CASZ1: variants seen among roughly 807,000 people sequenced by gnomAD.
The protein encoded by CASZ1 is zinc finger protein castor homolog 1.
A neutral mutation model predicts 135.2 loss-of-function variants in CASZ1; 28 were observed. The observed-to-expected ratio is 0.21, with a 90% confidence interval of 0.15 to 0.28. The LOEUF is 0.28. Among genes scored for constraint, CASZ1 ranks in the 10% least tolerant of loss-of-function variants. The pLI is 1.00. For synonymous variants in CASZ1, 1,068 were observed against 1,073.4 expected (o/e 0.99, Z 0.10); for missense variants, 2,161 against 2,453.3 (o/e 0.88, Z 2.52).
intron 1 of CASZ1, among the ~76,000 whole-genome samples, chr1:10,793,960 G>A (rs1348856160): frequency 4.6e-5 from 7 of 152,164 alleles, no homozygotes; most frequent in Admixed American, 2.0e-4. Context: ...GCACCGCCTG[G>A]TCGCCACCAG....
chr1:10,649,116 A>G lies in CASZ1; in HGVS notation c.3112T>C (p.Cys1038Arg), dbSNP rs1642468190. ...TCCAAGGTGCTGAAGAGCGCGCCGCATTCCTCCACCACGCAGTGGAAGTGG... is the reference window on the plus strand; with the variant it reads ...TCCAAGGTGCTGAAGAGCGCGCCGCGTTCCTCCACCACGCAGTGGAAGTGG... ...KAHFHCVVEE[C>R]GALFSTLDGA... Residue 1038 changes from cysteine (C) to arginine (R), a missense_variant, in exon 15 of 21, where the codon TGC (cysteine) becomes CGC (arginine). Physicochemically the swap from Cys to Arg is radical, Grantham distance 180. This residue lies in a region of CASZ1 where 349 missense variants were observed against 460.8 expected (regional missense o/e 0.76). Transcript: ENST00000377022. 6.2e-7 allele frequency: 1 copy of G among 1,613,538 alleles called. No individual in the cohort carries two copies. Among genetic ancestry groups the G allele is most frequent in the Non-Finnish European group, 8.5e-7 (1 of 1,180,020 alleles).
chr1:10,743,541 C>T (rs748172115), intron 2 of CASZ1, among the ~76,000 whole-genome samples: 22 of 151,006 alleles, frequency 1.5e-4, no homozygotes, highest in South Asian at 4.2e-4. Flanking sequence ...GAACAAACAG[C>T]GGCAACAGGA....
chr1:10,728,185 C>A (rs1184776222), intron 2 of CASZ1, among the ~76,000 whole-genome samples: 1 of 152,218 alleles, frequency 6.6e-6, no homozygotes, highest in Middle Eastern at 3.2e-3. Context: ...ACTCAGACAC[C>A]CTGCTGGACT....
intron 4 of CASZ1, among the ~76,000 whole-genome samples, chr1:10,681,780 T>C (rs1319684848): frequency 6.6e-6 from 1 of 152,000 alleles, no homozygotes; most frequent in African/African-American, 2.4e-5. Context: ...ACTGACCCCC[T>C]CGGGGCTCCA....
At chr1:10,786,412 A>C (rs983891198) in intron 1 of CASZ1, among the ~76,000 whole-genome samples, 6 of 152,178 alleles carry the variant, frequency 3.9e-5, no homozygotes, top group African/African-American at 1.4e-4. Context: ...CAAAATGCAG[A>C]ATCTGTGTGC....
rs1047011627 is a variant in CASZ1 at position 10,709,277 on chromosome 1, G to A, written c.-76-3733C>T. Among the ~76,000 whole-genome samples the A allele has an allele frequency of 5.3e-5, 8 of 152,266 alleles. No homozygotes were observed. The East Asian group carries it at 1.2e-3, about 22-fold the overall frequency. Reference sequence around the variant, plus strand: ...GCTGTCGGGCTGCCCATCCGCCCCCGCACTCCACTGCGTCTCCTTCCCCCT... The same window carrying A: ...GCTGTCGGGCTGCCCATCCGCCCCCACACTCCACTGCGTCTCCTTCCCCCT... On this transcript the variant is annotated intron_variant, in intron 2 of 20. Coordinates refer to ENST00000377022, the MANE Select transcript of CASZ1 (RefSeq NM_001079843.3). The surrounding 1 kb of genome is among the most constrained non-coding windows in gnomAD (Gnocchi z 5.1).
Position 10,720,533 on chromosome 1 carries a change from G to A in CASZ1, c.-76-14989C>T, listed in dbSNP as rs1225966302. On this transcript the variant is annotated intron_variant, in intron 2 of 20. Coordinates refer to ENST00000377022, the MANE Select transcript of CASZ1 (RefSeq NM_001079843.3). The surrounding 1 kb of genome is among the most constrained non-coding windows in gnomAD (Gnocchi z 5.7). ...CAAGGCCCTGGACTGTAAGGCTGGA[G>A]GGGAAGGTGGGAAGACTTGGGCAGT... 6.6e-6 allele frequency among the ~76,000 whole-genome samples: 1 copy of A among 152,222 alleles called. No individual in the cohort carries two copies.
chr1:10,690,734 G>A lies in CASZ1; in HGVS notation c.16+3140C>T, dbSNP rs114151377. On this transcript the variant is annotated intron_variant, in intron 4 of 20. Coordinates refer to ENST00000377022, the MANE Select transcript of CASZ1 (RefSeq NM_001079843.3). ...TTGCCCTCTTGCCTCTTTGGCCCTT[G>A]ACCTTGTAGAGCCTATCTTGGCTCC... Among the ~76,000 whole-genome samples, 797 of 152,306 alleles carry A rather than the reference G, an allele frequency of 5.2e-3. 10 individuals carry two copies. Among genetic ancestry groups the A allele is most frequent in the African/African-American group, 0.018 (751 of 41,562 alleles).
intron 1 of CASZ1, among the ~76,000 whole-genome samples, chr1:10,768,218 GT>G (rs1307926667): frequency 6.6e-6 from 1 of 151,992 alleles, no homozygotes; most frequent in Non-Finnish European, 1.5e-5. Flanking sequence ...TTGTTTGTTT[GT>G]TTGTTTGTTT....
chr1:10,709,764 G>C lies in CASZ1; in HGVS notation c.-76-4220C>G, dbSNP rs113719535. Reference sequence around the variant, plus strand: ...CAGTGCCGCAGGGGGATGCGCACCAGGGGGATCCCATGGCATAACCAGGCA... The same window carrying C: ...CAGTGCCGCAGGGGGATGCGCACCACGGGGATCCCATGGCATAACCAGGCA... On this transcript the variant is annotated intron_variant, in intron 2 of 20. Coordinates refer to ENST00000377022, the MANE Select transcript of CASZ1 (RefSeq NM_001079843.3). The surrounding 1 kb of genome is among the most constrained non-coding windows in gnomAD (Gnocchi z 5.1). 2.6e-3 allele frequency among the ~76,000 whole-genome samples: 389 copies of C among 152,292 alleles called. 1 individual carries two copies. The highest frequency in any genetic ancestry group is 9.1e-3 in the African/African-American group (379 of 41,560).
Position 10,767,455 on chromosome 1 carries a change from G to A in CASZ1, c.-233-6598C>T, listed in dbSNP as rs946472390. ...GGCAGATCCCTGGAGGGGACAGGGCGGGGGCGATGGGAGCACAGGCTTCCC... is the reference window on the plus strand; with the variant it reads ...GGCAGATCCCTGGAGGGGACAGGGCAGGGGCGATGGGAGCACAGGCTTCCC... On this transcript the variant is annotated intron_variant, in intron 1 of 20. Coordinates refer to ENST00000377022, the MANE Select transcript of CASZ1 (RefSeq NM_001079843.3). This position sits in a 1 kb window ranked among gnomAD's most constrained non-coding sequence, Gnocchi z 4.2. Among the ~76,000 whole-genome samples the A allele has an allele frequency of 6.6e-6, 1 of 152,152 alleles. No homozygotes were observed. Among genetic ancestry groups the A allele is most frequent in the African/African-American group, 2.4e-5 (1 of 41,440 alleles).
At chr1:10,655,499 T>G (rs1176493327) in intron 9 of CASZ1, 150 bp downstream of exon 9, 1 of 779,790 alleles carries the variant, frequency 1.3e-6, no homozygotes, top group East Asian at 2.7e-5. Flanking sequence ...TCGCTGGCCA[T>G]CCCTGTGCTG....
intron 2 of CASZ1, among the ~76,000 whole-genome samples, chr1:10,737,521 C>T (rs986792009): frequency 5.9e-5 from 9 of 152,370 alleles, no homozygotes; most frequent in Non-Finnish European, 1.3e-4. Flanking sequence ...GACCCACCAG[C>T]GAGCACAATC....
At position 10,700,111 on chromosome 1, in the gene CASZ1, A is replaced by ACACACACACACACACACACACACC. The variant is rs1212625170; in HGVS notation, c.-24+5380_-24+5381insGGTGTGTGTGTGTGTGTGTGTGTG. ...CACACACACACACACACACACACAC[A>ACACACACACACACACACACACACC]CACACAGAGTATGAAGCAGGGACCT... On this transcript the variant is annotated intron_variant, in intron 3 of 20. Transcript: ENST00000377022. This position sits in a 1 kb window ranked among gnomAD's most constrained non-coding sequence, Gnocchi z 4.2. Among the ~76,000 whole-genome samples the ACACACACACACACACACACACACC allele has an allele frequency of 6.6e-6, 1 of 151,906 alleles. No individual in the cohort carries two copies. Among genetic ancestry groups the ACACACACACACACACACACACACC allele is most frequent in the East Asian group, 2.0e-4 (1 of 5,124 alleles).
intron 2 of CASZ1, among the ~76,000 whole-genome samples, chr1:10,736,211 C>T (rs1639794357): frequency 6.6e-6 from 1 of 152,196 alleles, no homozygotes; most frequent in South Asian, 2.1e-4. Flanking sequence ...CACCAGAATG[C>T]CCAACTGATG....
intron 9 of CASZ1, among the ~76,000 whole-genome samples, chr1:10,655,090 C>T (rs1642743216): frequency 6.6e-6 from 1 of 150,922 alleles, no homozygotes; most frequent in Non-Finnish European, 1.5e-5. Flanking sequence ...CCCGTGGAAT[C>T]CGAACACTCT....
chr1:10,790,293 G>T (rs2100632575), intron 1 of CASZ1, among the ~76,000 whole-genome samples: 1 of 152,332 alleles, frequency 6.6e-6, no homozygotes. Flanking sequence ...CGGGCACAGG[G>T]ACCGGCCTTA....
Position 10,722,857 on chromosome 1 carries a change from C to A in CASZ1, c.-76-17313G>T, listed in dbSNP as rs563426808. ...CTGCATGGGGCAGACACTCTCCCCC[C>A]CAAAAAGGCCTGCCCCCGCACCCCA... is the stretch of plus-strand genomic sequence containing the variant. On this transcript the variant is annotated intron_variant, in intron 2 of 20. Transcript: ENST00000377022. Among the ~76,000 whole-genome samples the A allele has an allele frequency of 7.9e-5, 12 of 152,356 alleles. No homozygotes were observed. In the South Asian group the frequency reaches 1.9e-3, roughly 24 times the overall value.
At chr1:10,772,063 G>A (rs551045442) in intron 1 of CASZ1, among the ~76,000 whole-genome samples, 1 of 152,162 alleles carries the variant, frequency 6.6e-6, no homozygotes, top group Non-Finnish European at 1.5e-5. Flanking sequence ...GTGGAGCCAC[G>A]TGACACCTGG....
Sources: allele counts gnomAD v4.1 joint callset (sites outside exome capture counted in the v4.1 genomes callset), GRCh38; gene constraint gnomAD v4.1.1; regional missense constraint gnomAD v4.1.1; non-coding constraint Gnocchi (gnomAD v3.1); transcripts MANE v1.5; gene names NCBI Gene and HGNC (gene_info 2026-07-23, HGNC 2026-07-21).